Variants in SFMBT2 observed in about 807,000 individuals in gnomAD.
SFMBT2 encodes the protein scm-like with four MBT domains protein 2.
SFMBT2 carries 38 observed loss-of-function variants against 110.1 expected under a neutral mutation model. The ratio of observed to expected loss-of-function variants is 0.35; its 90% CI spans 0.27 to 0.45. The LOEUF is 0.45. SFMBT2 is among the 20% of genes least tolerant of loss of function. The pLI, the probability that SFMBT2 is intolerant of heterozygous loss-of-function variation, is 1.00. For synonymous variants in SFMBT2, 425 were observed against 425.4 expected, an observed-to-expected ratio of 1.00 and a Z score of 0.01; for missense variants, 1,011 against 1,094.9, an observed-to-expected ratio of 0.92 and a Z score of 1.08.
chr10:7,186,424 A>ATACACC (rs1186051476), intron 16 of SFMBT2, among the ~76,000 whole-genome samples: 1 of 52,944 alleles, frequency 1.9e-5, no homozygotes, highest in Non-Finnish European at 3.5e-5. Context: ...CATACTATAT[A>ATACACC]TACACACACA....
intron 4 of SFMBT2, among the ~76,000 whole-genome samples, chr10:7,332,817 T>A (rs1353941993): frequency 3.3e-5 from 5 of 152,230 alleles, no homozygotes; most frequent in African/African-American, 1.2e-4. Context: ...ACAAAGGAAC[T>A]CAGAATAGGC....
intron 1 of SFMBT2, among the ~76,000 whole-genome samples, chr10:7,396,451 T>C (rs1240645015): frequency 2.0e-5 from 3 of 152,188 alleles, no homozygotes; most frequent in Non-Finnish European, 2.9e-5. Context: ...TGTCACTGAT[T>C]TAGAATCCGG....
At chr10:7,328,328 T>C (rs1039464120) in intron 4 of SFMBT2, among the ~76,000 whole-genome samples, 1 of 152,252 alleles carries the variant, frequency 6.6e-6, no homozygotes, top group African/African-American at 2.4e-5. Context: ...TTTTCCTTCC[T>C]GTTGAGTTTT....
intron 4 of SFMBT2, among the ~76,000 whole-genome samples, chr10:7,342,979 T>C (rs1237891706): frequency 6.6e-6 from 1 of 152,248 alleles, no homozygotes; most frequent in East Asian, 1.9e-4. Context: ...GATAATTTTG[T>C]CACCCAGATA....
At chr10:7,334,459 A>G (rs1214173315) in intron 4 of SFMBT2, among the ~76,000 whole-genome samples, 1 of 152,240 alleles carries the variant, frequency 6.6e-6, no homozygotes, top group East Asian at 1.9e-4. Context: ...CCAAAATGGA[A>G]CAATACAGGA....
chr10:7,256,749 C>T (rs1416612432), intron 7 of SFMBT2, among the ~76,000 whole-genome samples: 4 of 152,120 alleles, frequency 2.6e-5, no homozygotes, highest in East Asian at 1.9e-4. Context: ...AAAGTCCACA[C>T]CAACCCCAGC....
chr10:7,185,124 T>C (rs1838356395), intron 16 of SFMBT2, among the ~76,000 whole-genome samples: 2 of 152,226 alleles, frequency 1.3e-5, no homozygotes, highest in African/African-American at 4.8e-5. Flanking sequence ...AGGAGACTAC[T>C]GCTCCTCCAG....
chr10:7,167,714 C>T (rs1185430533), intron 20 of SFMBT2, among the ~76,000 whole-genome samples: 1 of 152,194 alleles, frequency 6.6e-6, no homozygotes, highest in Admixed American at 6.5e-5. Flanking sequence ...TGCCCATGTA[C>T]TTCAGACAGC....
chr10:7,198,184 C>A, intron 14 of SFMBT2: 2 of 981,802 alleles, frequency 2.0e-6, no homozygotes, highest in Non-Finnish European at 2.4e-6. Context: ...TGTTTGTTTG[C>A]TTAACAAGAA....
At chr10:7,164,955 C>T (rs1179241249) in intron 20 of SFMBT2, among the ~76,000 whole-genome samples, 1 of 152,084 alleles carries the variant, frequency 6.6e-6, no homozygotes, top group African/African-American at 2.4e-5. Context: ...ATACAAAGAC[C>T]CACTCCAAAG....
chr10:7,303,180 T>C (rs767667682), intron 4 of SFMBT2, among the ~76,000 whole-genome samples: 1 of 152,226 alleles, frequency 6.6e-6, no homozygotes, highest in Non-Finnish European at 1.5e-5. Flanking sequence ...GAATTCTTCT[T>C]CTATCAATTA....
At chr10:7,225,710 G>T (rs1381919362) in intron 10 of SFMBT2, among the ~76,000 whole-genome samples, 2 of 152,086 alleles carry the variant, frequency 1.3e-5, no homozygotes, top group African/African-American at 4.8e-5. Context: ...CTTTAGTGGG[G>T]CAAGGACTAT....
At chr10:7,303,062 T>C (rs1842597267) in intron 4 of SFMBT2, among the ~76,000 whole-genome samples, 1 of 152,164 alleles carries the variant, frequency 6.6e-6, no homozygotes, top group African/African-American at 2.4e-5. Flanking sequence ...ATTCTGAGGC[T>C]GACTGTAAGT....
intron 2 of SFMBT2, among the ~76,000 whole-genome samples, chr10:7,375,074 A>T (rs184911460): frequency 1.3e-3 from 193 of 152,368 alleles, no homozygotes; most frequent in Non-Finnish European, 2.1e-3. Flanking sequence ...TTTCCCCATG[A>T]TGTCATGAAA....
chr10:7,400,489 A>G (rs1399723315), intron 1 of SFMBT2, among the ~76,000 whole-genome samples: 3 of 152,108 alleles, frequency 2.0e-5, no homozygotes, highest in Admixed American at 1.3e-4. Context: ...GCGAGAAGAG[A>G]AAAAAACGCC....
rs1839000703 is a variant in SFMBT2, at chr10:7,202,838, A to T, written c.1445-316T>A. 1.0e-5 allele frequency: 10 copies of T among 985,428 alleles called. No individual in the cohort carries two copies. In the South Asian group the frequency reaches 3.8e-4, roughly 37 times the overall value. 61.0% of individuals were successfully genotyped at this position (985,428 alleles called of 1,614,324 possible). A position where few individuals can be genotyped will look rare whatever the true frequency, so the allele number is the denominator to read the frequency against. On this transcript the variant is annotated intron_variant, in intron 12 of 20. Coordinates refer to ENST00000397167, the MANE Select transcript of SFMBT2 (RefSeq NM_001387889.1). ...ACCTCACATTAGCACACATGTTCAG[A>T]TCAATTGTTGCAAGCAGTTATCCGG...
chr10:7,179,991 G>T (rs1012391334), intron 16 of SFMBT2, among the ~76,000 whole-genome samples: 1 of 152,236 alleles, frequency 6.6e-6, no homozygotes, highest in African/African-American at 2.4e-5. Context: ...GGGGTAGAGG[G>T]GACTGAGTAA....
intron 3 of SFMBT2, among the ~76,000 whole-genome samples, chr10:7,369,711 G>A (rs758967925): frequency 3.3e-5 from 5 of 152,090 alleles, no homozygotes; most frequent in Non-Finnish European, 5.9e-5. Context: ...CACCTACTAA[G>A]AATACATTAC....
chr10:7,220,270 A>T, intron 11 of SFMBT2, 141 bp downstream of exon 11: 1 of 650,740 alleles, frequency 1.5e-6, no homozygotes, highest in Non-Finnish European at 2.6e-6. Context: ...TCACTGATTT[A>T]AGAACACGGA....
Sources: allele counts gnomAD v4.1 joint callset (sites outside exome capture counted in the v4.1 genomes callset), GRCh38; gene constraint gnomAD v4.1.1; transcripts MANE v1.5; gene names NCBI Gene and HGNC (gene_info 2026-07-23, HGNC 2026-07-21).